Variants in LSAMP observed in about 807,000 individuals in gnomAD.
LSAMP encodes the protein limbic system associated membrane protein, also known as limbic system-associated membrane protein.
Under a neutral mutation model 38.6 loss-of-function variants are expected in LSAMP, and 7 were observed. The observed-to-expected ratio is 0.18, with a 90% confidence interval of 0.10 to 0.34. The LOEUF (loss-of-function observed/expected upper bound fraction) is 0.34, where lower values mean the gene tolerates loss of function less well. Among genes scored for constraint, LSAMP ranks in the 10% least tolerant of loss-of-function variants. The pLI is 1.00. For missense variants in LSAMP, 313 were observed against 420.0 expected, an observed-to-expected ratio of 0.75 and a Z score of 2.23; for synonymous variants, 154 against 166.8, an observed-to-expected ratio of 0.92 and a Z score of 0.59.
chr3:116,048,471 A>T (rs1317399594), intron 2 of LSAMP, among the ~76,000 whole-genome samples: 2 of 152,258 alleles, frequency 1.3e-5, no homozygotes, highest in Non-Finnish European at 2.9e-5. Context: ...CCACAAAAGC[A>T]CATCTCTGTA....
chr3:116,428,323 T>C (rs1019928976), intron 1 of LSAMP, among the ~76,000 whole-genome samples: 4 of 152,036 alleles, frequency 2.6e-5, no homozygotes, highest in African/African-American at 9.7e-5. Flanking sequence ...CTGGGCTTGG[T>C]GGTGTGGGCC....
intron 1 of LSAMP, among the ~76,000 whole-genome samples, chr3:116,277,391 CAG>C (rs1186080873): frequency 6.7e-6 from 1 of 148,240 alleles, no homozygotes; most frequent in East Asian, 2.0e-4. Context: ...TTTTTTGAGA[CAG>C]AGTCTCGCTC....
intron 1 of LSAMP, among the ~76,000 whole-genome samples, chr3:116,217,520 G>A (rs555318238): frequency 2.6e-4 from 39 of 152,316 alleles, no homozygotes; most frequent in African/African-American, 8.9e-4. Context: ...GTTCTGCACA[G>A]ATATTAAAAC....
chr3:116,394,648 C>T (rs1057091954), intron 1 of LSAMP, among the ~76,000 whole-genome samples: 1 of 152,086 alleles, frequency 6.6e-6, no homozygotes, highest in African/African-American at 2.4e-5. Context: ...AAAGAAAAAC[C>T]ACACACTGAG....
At chr3:116,424,554 TA>T (rs1205403980) in intron 1 of LSAMP, among the ~76,000 whole-genome samples, 1 of 152,170 alleles carries the variant, frequency 6.6e-6, no homozygotes, top group African/African-American at 2.4e-5. Context: ...AGTACATGGA[TA>T]AAAAGTAGAA....
intron 1 of LSAMP, among the ~76,000 whole-genome samples, chr3:116,396,909 G>A (rs1255674456): frequency 6.6e-6 from 1 of 152,126 alleles, no homozygotes; most frequent in East Asian, 1.9e-4. Context: ...CATCCATCAT[G>A]ACATAATATC....
chr3:115,957,112 T>C (rs765916100), intron 3 of LSAMP, among the ~76,000 whole-genome samples: 2 of 152,220 alleles, frequency 1.3e-5, no homozygotes, highest in Non-Finnish European at 2.9e-5. Context: ...TGAATTTAAC[T>C]CAAATTAACT....
chr3:115,806,208 T>C lies in LSAMP; in HGVS notation c.*4109A>G, dbSNP rs1933626722. 1 of 152,170 alleles carries C rather than the reference T, an allele frequency of 6.6e-6. No homozygotes were observed. Among genetic ancestry groups the C allele is most frequent in the Non-Finnish European group, 1.5e-5 (1 of 68,022 alleles). 9.4% of individuals were successfully genotyped at this position (152,170 alleles called of 1,614,324 possible). A position where few individuals can be genotyped will look rare whatever the true frequency, so the allele number is the denominator to read the frequency against. On this transcript the variant is annotated 3_prime_UTR_variant, in exon 7 of 7. Coordinates refer to ENST00000490035, the MANE Select transcript of LSAMP (RefSeq NM_002338.5). ...CTATGTCTTTCTACGTGAGCATAGA[T>C]TTTCTTTCTAAACAACCAAATTCAG...
intron 1 of LSAMP, among the ~76,000 whole-genome samples, chr3:116,268,750 T>C (rs988449313): frequency 7.2e-5 from 11 of 152,122 alleles, no homozygotes; most frequent in Admixed American, 5.9e-4. Flanking sequence ...TATAATTTGT[T>C]GCTCATTTGT....
At chr3:115,955,625 TCTG>T (rs1287276126) in intron 3 of LSAMP, among the ~76,000 whole-genome samples, 1 of 150,734 alleles carries the variant, frequency 6.6e-6, no homozygotes, top group African/African-American at 2.4e-5. Context: ...TAAAGAAGGG[TCTG>T]CTAGCCCAGC....
intron 6 of LSAMP, among the ~76,000 whole-genome samples, chr3:115,839,108 C>T (rs1001748468): frequency 6.6e-6 from 1 of 152,176 alleles, no homozygotes; most frequent in African/African-American, 2.4e-5. Context: ...TGGAAAATTA[C>T]CTCTGCTGAC....
chr3:116,302,457 C>T (rs1277414282), intron 1 of LSAMP, among the ~76,000 whole-genome samples: 1 of 152,172 alleles, frequency 6.6e-6, no homozygotes, highest in Admixed American at 6.5e-5. Flanking sequence ...CCCTATGACA[C>T]AATTTATAGA....
intron 1 of LSAMP, among the ~76,000 whole-genome samples, chr3:116,173,232 G>T (rs1420291030): frequency 6.6e-6 from 1 of 152,014 alleles, no homozygotes; most frequent in Admixed American, 6.6e-5. Flanking sequence ...AAAGGAGGCA[G>T]GTTAGCTGTC....
chr3:115,839,724 A>G (rs553443404), intron 6 of LSAMP, among the ~76,000 whole-genome samples: 60 of 152,306 alleles, frequency 3.9e-4, no homozygotes, highest in African/African-American at 1.3e-3. Context: ...AGACACAACT[A>G]TGGTAGTGCC....
chr3:116,326,865 G>T (rs1452615214), intron 1 of LSAMP, among the ~76,000 whole-genome samples: 1 of 151,990 alleles, frequency 6.6e-6, no homozygotes, highest in African/African-American at 2.4e-5. Context: ...GGCTTTTAAT[G>T]GTATGGGGAT....
At chr3:116,097,226 ATATGGT>A (rs770754823) in intron 1 of LSAMP, among the ~76,000 whole-genome samples, 1 of 152,216 alleles carries the variant, frequency 6.6e-6, no homozygotes, top group African/African-American at 2.4e-5. Flanking sequence ...TGGAAAAAAA[ATATGGT>A]CTTTTCCATG....
chr3:115,869,988 A>G (rs142703149), intron 3 of LSAMP, among the ~76,000 whole-genome samples: 74 of 152,252 alleles, frequency 4.9e-4, no homozygotes, highest in African/African-American at 1.6e-3. Context: ...GTGATTTTGT[A>G]TAGCTCATAG....
chr3:116,245,404 CT>C (rs1296876204), intron 1 of LSAMP, among the ~76,000 whole-genome samples: 1 of 152,170 alleles, frequency 6.6e-6, no homozygotes, highest in African/African-American at 2.4e-5. Flanking sequence ...TGTTACTTAG[CT>C]TTCCTCATAA....
intron 3 of LSAMP, among the ~76,000 whole-genome samples, chr3:115,878,782 G>T (rs189538656): frequency 6.6e-6 from 1 of 151,982 alleles, no homozygotes; most frequent in East Asian, 1.9e-4. Flanking sequence ...TATTCTAATA[G>T]AATTGTAATA....
Sources: allele counts gnomAD v4.1 joint callset (sites outside exome capture counted in the v4.1 genomes callset), GRCh38; gene constraint gnomAD v4.1.1; transcripts MANE v1.5; gene names NCBI Gene and HGNC (gene_info 2026-07-23, HGNC 2026-07-21).